The following CYP2F1 variants were observed in gnomAD, a reference collection of about 807,000 sequenced individuals.
The protein encoded by CYP2F1 is cytochrome P450 2F1.
In CYP2F1, 33 loss-of-function variants were observed where a neutral mutation model predicts 40.4. That is an observed-to-expected ratio of 0.82 (90% CI 0.62 to 1.09). CYP2F1 has a LOEUF of 1.09. Ranked by LOEUF, CYP2F1 falls within the 50% of genes least tolerant of loss-of-function variation. The pLI, the probability that CYP2F1 is intolerant of heterozygous loss-of-function variation, is 0.00. For missense variants in CYP2F1, 566 were observed against 655.7 expected, an observed-to-expected ratio of 0.86 and a Z score of 1.49; for synonymous variants, 235 against 277.2, an observed-to-expected ratio of 0.85 and a Z score of 1.51.
rs1196931521 is a variant in CYP2F1, at chr19:41,128,269, G to A, written c.*187G>A. Reference sequence around the variant, plus strand: ...GTGCCCCGTCTGCAGGGCAGAGGCAGATGTGGCATGTCTTTTTGTACCCAC... The same window carrying A: ...GTGCCCCGTCTGCAGGGCAGAGGCAAATGTGGCATGTCTTTTTGTACCCAC... On this transcript the variant is annotated 3_prime_UTR_variant, in exon 10 of 10. Coordinates refer to ENST00000331105, the MANE Select transcript of CYP2F1 (RefSeq NM_000774.5). 3.6e-6 allele frequency: 2 copies of A among 561,378 alleles called. No homozygotes were observed. The highest frequency in any genetic ancestry group is 6.2e-6 in the Non-Finnish European group (2 of 325,048). The allele number at this position is 561,378 out of a possible 1,614,324, so 34.8% of individuals were successfully genotyped here.
In CYP2F1 at chr19:41,127,506, A is replaced by T. The variant is rs188495656; in HGVS notation, c.1295-395A>T. 6.6e-4 allele frequency among the ~76,000 whole-genome samples: 101 copies of T among 151,902 alleles called. 1 individual carries two copies. In the East Asian group the frequency reaches 0.015, roughly 22 times the overall value. On this transcript the variant is annotated intron_variant, in intron 9 of 9. Coordinates refer to ENST00000331105, the MANE Select transcript of CYP2F1 (RefSeq NM_000774.5). Reference sequence around the variant, plus strand: ...ATGTGCCACCTTGCACATTTTTAAAATTTTTTTTGTAGAGATGGGATCTTG... The same window carrying T: ...ATGTGCCACCTTGCACATTTTTAAATTTTTTTTTGTAGAGATGGGATCTTG...
chr19:41,125,148 C>T lies in CYP2F1; in HGVS notation c.1152+242C>T, dbSNP rs1192505144. The T allele has an allele frequency of 5.3e-6, 3 of 561,704 alleles. No individual in the cohort carries two copies. The East Asian group carries it at 8.9e-5, about 17-fold the overall frequency. 34.8% of individuals were successfully genotyped at this position (561,704 alleles called of 1,614,324 possible). A position where few individuals can be genotyped will look rare whatever the true frequency, so the allele number is the denominator to read the frequency against. On this transcript the variant is annotated intron_variant, in intron 8 of 9. Coordinates refer to ENST00000331105, the MANE Select transcript of CYP2F1 (RefSeq NM_000774.5). The stretch of plus-strand genomic sequence containing the variant: ...CCATGACAAATCCCCTTCCTAGAAC[C>T]CCTCCCTGGAAGCCCTGGGGTCTGG...
chr19:41,124,537 A>C (rs1269405413), intron 7 of CYP2F1, among the ~76,000 whole-genome samples, 182 bp from the exon 8 acceptor site: 2 of 152,112 alleles, frequency 1.3e-5, no homozygotes, highest in African/African-American at 4.8e-5. Context: ...TGCTGGGATT[A>C]CAGGCGTGAG....
intron 3 of CYP2F1, 66 bp from the exon 4 acceptor site, chr19:41,120,281 G>A (rs1242434319): frequency 1.4e-6 from 2 of 1,459,892 alleles, no homozygotes; most frequent in South Asian, 1.4e-5. Flanking sequence ...CCATGAAAGG[G>A]GACCTGGGTG....
chr19:41,116,176 AGCT>A lies in CYP2F1; in HGVS notation c.-10_-8del, dbSNP rs2031786290. ...CCCACTTTGCCCTCCACACGCCAGC[AGCT>A]GCCTTCACCATGGACAGCATAAGCA... On this transcript the variant is annotated splice_acceptor_variant and 5_prime_UTR_variant, in exon 2 of 10. Coordinates refer to ENST00000331105, the MANE Select transcript of CYP2F1 (RefSeq NM_000774.5). LOFTEE classifies it low-confidence loss of function (5UTR_SPLICE). 6.2e-7 allele frequency: 1 copy of A among 1,606,242 alleles called. No homozygotes were observed. Among genetic ancestry groups the A allele is most frequent in the African/African-American group, 1.4e-5 (1 of 72,658 alleles).
At chr19:41,122,267 C>T in intron 6 of CYP2F1, 134 bp downstream of exon 6, 1 of 867,996 alleles carries the variant, frequency 1.2e-6, no homozygotes, top group Non-Finnish European at 1.7e-6. Flanking sequence ...GCATCTGGCC[C>T]AGCTGGGCTG....
At chr19:41,124,683 T>C (rs1369430153) in intron 7 of CYP2F1, 36 bp from the exon 8 acceptor site, 3 of 1,586,064 alleles carry the variant, frequency 1.9e-6, no homozygotes, top group Admixed American at 1.7e-5. Context: ...TCGCGCCCGC[T>C]GATACCCTCG....
chr19:41,124,253 C>CCCCCT (rs1568381410), intron 7 of CYP2F1, among the ~76,000 whole-genome samples: 2 of 93,142 alleles, frequency 2.1e-5, no homozygotes, highest in African/African-American at 1.0e-4. Context: ...CTTCCCCCCC[C>CCCCCT]CCTTTTTTTT....
intron 7 of CYP2F1, among the ~76,000 whole-genome samples, chr19:41,124,265 T>TCCAC (rs2032416978): frequency 4.5e-5 from 5 of 112,120 alleles, no homozygotes; most frequent in African/African-American, 1.7e-4. Context: ...CTTTTTTTTT[T>TCCAC]TTTTTTTTTT....
chr19:41,124,977 A>G, intron 8 of CYP2F1, 71 bp downstream of exon 8: 1 of 1,373,354 alleles, frequency 7.3e-7, no homozygotes, highest in Non-Finnish European at 9.8e-7. Context: ...ACTGGCAAGG[A>G]GTATCCCAGG....
chr19:41,120,617 T>C, intron 4 of CYP2F1, 121 bp downstream of exon 4: 1 of 1,091,194 alleles, frequency 9.2e-7, no homozygotes, highest in Non-Finnish European at 1.4e-6. Flanking sequence ...GAATAGCTGG[T>C]ACTTCAGGTG....
chr19:41,122,805 C>T lies in CYP2F1; in HGVS notation c.823-17C>T, dbSNP rs751660065. On this transcript the variant is annotated splice_polypyrimidine_tract_variant and intron_variant, in intron 6 of 9. Transcript: ENST00000331105. ...CCTCCATTCCTGGCTCACATCCCCA[C>T]CCCTCTACCAATGCAGGAGAAGGAG... The T allele has an allele frequency of 3.9e-6, 6 of 1,523,108 alleles. No individual in the cohort carries two copies. In the East Asian group the frequency reaches 1.1e-4, roughly 29 times the overall value. The allele number at this position is 1,523,108 out of a possible 1,614,324, so 94.3% of individuals were successfully genotyped here. A position where few individuals can be genotyped will look rare whatever the true frequency, so the allele number is the denominator to read the frequency against.
rs144593218 is a variant in CYP2F1, at chr19:41,127,626, G to A, written c.1295-275G>A. On this transcript the variant is annotated intron_variant, in intron 9 of 9. Transcript: ENST00000331105. ...TGGGATTACAGGCCTAAGCCAGCAC[G>A]CCCAGCCTTCATATCCCCATTTTAA... 2.6e-4 allele frequency among the ~76,000 whole-genome samples: 40 copies of A among 152,248 alleles called. No homozygotes were observed. The East Asian group carries it at 6.6e-3, about 25-fold the overall frequency.
At chr19:41,122,444 C>G (rs542609578) in intron 6 of CYP2F1, among the ~76,000 whole-genome samples, 2 of 152,100 alleles carry the variant, frequency 1.3e-5, no homozygotes, top group East Asian at 3.9e-4. Flanking sequence ...CCAGCCTGGA[C>G]AATATAGTAA....
intron 9 of CYP2F1, among the ~76,000 whole-genome samples, chr19:41,126,640 G>T (rs1208345701): frequency 6.6e-6 from 1 of 151,796 alleles, no homozygotes; most frequent in Non-Finnish European, 1.5e-5. Context: ...TGTGGTCCCA[G>T]CTACTTGGGA....
In CYP2F1 at chr19:41,128,089, G is replaced by C. The variant is rs533716670; in HGVS notation, c.*7G>C. Reference sequence around the variant, plus strand: ...GTGCCTGCGCCCGCGCTAACGCCCCGGCCCTTCCAGATTCGCCTGTGAGCG... The same window carrying C: ...GTGCCTGCGCCCGCGCTAACGCCCCCGCCCTTCCAGATTCGCCTGTGAGCG... On this transcript the variant is annotated 3_prime_UTR_variant, in exon 10 of 10. Coordinates refer to ENST00000331105, the MANE Select transcript of CYP2F1 (RefSeq NM_000774.5). 11 of 1,597,622 alleles carry C rather than the reference G, an allele frequency of 6.9e-6. No homozygotes were observed. In the African/African-American group the frequency reaches 1.1e-4, roughly 16 times the overall value.
In CYP2F1 at chr19:41,124,759, G is replaced by T. The variant is rs766004612; in HGVS notation, c.1005G>T (p.Ala335=). ...QEEIDLVVGR[A]RLPALKDRAA... is the part of the protein sequence containing the mutation. ...AGATCGACCTCGTGGTGGGACGCGCGCGGCTGCCGGCGCTGAAGGACCGCG... is the reference window on the plus strand; with the variant it reads ...AGATCGACCTCGTGGTGGGACGCGCTCGGCTGCCGGCGCTGAAGGACCGCG... Residue 335 remains alanine, a synonymous_variant, in exon 8 of 10, where the codon GCG becomes GCT. Transcript: ENST00000331105. 13 of 1,606,408 alleles carry T rather than the reference G, an allele frequency of 8.1e-6. No homozygotes were observed. Among genetic ancestry groups the T allele is most frequent in the Non-Finnish European group, 1.1e-5 (13 of 1,179,366 alleles).
At chr19:41,119,519 C>T (rs1053393557) in intron 3 of CYP2F1, among the ~76,000 whole-genome samples, 17 of 151,702 alleles carry the variant, frequency 1.1e-4, no homozygotes, top group African/African-American at 3.4e-4. Flanking sequence ...GAGGCCAAGA[C>T]GGGTGGATCA....
intron 7 of CYP2F1, 150 bp from the exon 8 acceptor site, chr19:41,124,569 A>T: frequency 1.4e-6 from 1 of 702,220 alleles, no homozygotes; most frequent in Non-Finnish European, 2.3e-6. Flanking sequence ...GGCCAGCTCT[A>T]GCTAATTCTC....
Sources: allele counts gnomAD v4.1 joint callset (sites outside exome capture counted in the v4.1 genomes callset), GRCh38; gene constraint gnomAD v4.1.1; transcripts MANE v1.5; gene names NCBI Gene and HGNC (gene_info 2026-07-23, HGNC 2026-07-21).